Variants in TUSC3 observed in about 807,000 individuals in gnomAD.
TUSC3 encodes tumor suppressor candidate 3.
TUSC3 carries 45 observed loss-of-function variants against 44.8 expected under a neutral mutation model. That is an observed-to-expected ratio of 1.00 (90% CI 0.79 to 1.29). TUSC3 has a LOEUF of 1.29. Ranked by LOEUF, TUSC3 falls within the 50% of genes most tolerant of loss-of-function variation. The pLI is 0.00. For missense variants in TUSC3, 519 were observed against 437.9 expected (o/e 1.19, Z -1.65); for synonymous variants, 212 against 152.9 (o/e 1.39, Z -2.85).
upstream of TUSC3, among the ~76,000 whole-genome samples, chr8:15,537,785 C>T (rs11784357): frequency 6.6e-6 from 1 of 151,828 alleles, no homozygotes; most frequent in African/African-American, 2.4e-5. Context: ...AAGAAATTAC[C>T]ACAAGTTGGG....
intron 1 of TUSC3, among the ~76,000 whole-genome samples, chr8:15,430,724 A>G (rs977149921): frequency 6.6e-6 from 1 of 151,666 alleles, no homozygotes; most frequent in Non-Finnish European, 1.5e-5. Flanking sequence ...GTATATCTAG[A>G]AAACCCCATT....
At chr8:15,842,176 A>G in the TUSC3 span, among the ~76,000 whole-genome samples, 1 of 152,288 alleles carries the variant, frequency 6.6e-6, no homozygotes, top group African/African-American at 2.4e-5. Flanking sequence ...TGAACAAAAC[A>G]GATAGAATCA....
At chr8:15,485,829 G>C (rs1251926023) in intron 2 of TUSC3, among the ~76,000 whole-genome samples, 1 of 152,080 alleles carries the variant, frequency 6.6e-6, no homozygotes, top group Non-Finnish European at 1.5e-5. Context: ...TTTCACTCTT[G>C]TTGCCCAGGC....
the TUSC3 span, among the ~76,000 whole-genome samples, chr8:15,803,531 T>A: frequency 6.6e-6 from 1 of 152,188 alleles, no homozygotes; most frequent in African/African-American, 2.4e-5. Flanking sequence ...TTCAGTAGCA[T>A]AAAAGGTTAA....
At chr8:15,419,472 C>T (rs1343246085) in intron 1 of TUSC3, among the ~76,000 whole-genome samples, 1 of 152,122 alleles carries the variant, frequency 6.6e-6, no homozygotes, top group Non-Finnish European at 1.5e-5. Context: ...AATGTTTATT[C>T]ATAAATTTAG....
chr8:15,435,740 G>A (rs1025720560), intron 1 of TUSC3, among the ~76,000 whole-genome samples: 15 of 152,194 alleles, frequency 9.9e-5, no homozygotes, highest in African/African-American at 3.1e-4. Flanking sequence ...GGATTTTTAA[G>A]GAATTTAACT....
the TUSC3 span, among the ~76,000 whole-genome samples, chr8:15,774,164 A>C: frequency 6.6e-6 from 1 of 152,178 alleles, no homozygotes; most frequent in African/African-American, 2.4e-5. Flanking sequence ...CAAAATATAT[A>C]ACGAATTCTT....
intron 2 of TUSC3, among the ~76,000 whole-genome samples, chr8:15,513,674 G>T (rs894489071): frequency 6.6e-6 from 1 of 152,106 alleles, no homozygotes; most frequent in East Asian, 1.9e-4. Context: ...AGTTACAGTC[G>T]TTTTGGGTAA....
chr8:15,646,508 T>A (rs1415125937), intron 2 of TUSC3, among the ~76,000 whole-genome samples: 1 of 152,144 alleles, frequency 6.6e-6, no homozygotes, highest in Admixed American at 6.5e-5. Context: ...TTCATGCTCT[T>A]TGACTCCCCA....
At chr8:15,463,914 T>C (rs1800381480) in intron 1 of TUSC3, among the ~76,000 whole-genome samples, 1 of 152,214 alleles carries the variant, frequency 6.6e-6, no homozygotes, top group Non-Finnish European at 1.5e-5. Flanking sequence ...TTTACTTGCC[T>C]ATTTGATCAT....
intron 2 of TUSC3, among the ~76,000 whole-genome samples, chr8:15,647,099 C>G (rs564778325): frequency 5.3e-5 from 8 of 152,170 alleles, no homozygotes; most frequent in African/African-American, 1.9e-4. Flanking sequence ...TGTCATAGTT[C>G]ATAATATGTA....
At chr8:15,659,474 C>G (rs1807324374) in intron 3 of TUSC3, 33 bp from the exon 4 acceptor site, 2 of 1,604,748 alleles carry the variant, frequency 1.2e-6, no homozygotes, top group Non-Finnish European at 1.7e-6. Context: ...TAAGATGATC[C>G]TATATTTAGT....
intron 6 of TUSC3, among the ~76,000 whole-genome samples, chr8:15,719,519 CACACA>C (rs1810213884): frequency 4.9e-4 from 6 of 12,282 alleles, no homozygotes; most frequent in Non-Finnish European, 1.8e-3. Context: ...ACACACACCA[CACACA>C]CACACACACA....
chr8:15,770,673 G>A (rs1216216837), downstream of TUSC3, among the ~76,000 whole-genome samples: 1 of 152,268 alleles, frequency 6.6e-6, no homozygotes, highest in Admixed American at 6.5e-5. Flanking sequence ...AGGCTTGACA[G>A]GAGAATAGGC....
chr8:15,594,940 C>T (rs894359645), intron 1 of TUSC3, among the ~76,000 whole-genome samples: 1 of 152,084 alleles, frequency 6.6e-6, no homozygotes. Context: ...GCGTCATCTT[C>T]ACTGCAATTG....
intron 2 of TUSC3, among the ~76,000 whole-genome samples, chr8:15,624,011 C>T (rs1467558370): frequency 6.6e-6 from 1 of 152,098 alleles, no homozygotes; most frequent in Non-Finnish European, 1.5e-5. Flanking sequence ...AATCACTAGT[C>T]TGTTCTCCAT....
the TUSC3 span, among the ~76,000 whole-genome samples, chr8:15,847,534 T>TG: frequency 6.6e-6 from 1 of 152,138 alleles, no homozygotes; most frequent in African/African-American, 2.4e-5. Context: ...TCTACCTAGG[T>TG]GACATCATTT....
intron 1 of TUSC3, among the ~76,000 whole-genome samples, chr8:15,461,299 A>T (rs909336660): frequency 1.3e-5 from 2 of 151,950 alleles, no homozygotes; most frequent in Admixed American, 1.3e-4. Flanking sequence ...TTTTGCAGCT[A>T]TTGTAAAAAT....
chr8:15,779,732 G>C, the TUSC3 span, among the ~76,000 whole-genome samples: 2 of 152,122 alleles, frequency 1.3e-5, no homozygotes, highest in African/African-American at 4.8e-5. Flanking sequence ...TTTTTGGTAA[G>C]CATAAAAGTC....
Sources: allele counts gnomAD v4.1 joint callset (sites outside exome capture counted in the v4.1 genomes callset), GRCh38; gene constraint gnomAD v4.1.1; transcripts MANE v1.5; gene names NCBI Gene and HGNC (gene_info 2026-07-23, HGNC 2026-07-21).